CIP2A: variants seen among roughly 807,000 people sequenced by gnomAD.
The protein encoded by CIP2A is cellular inhibitor of PP2A.
A neutral mutation model predicts 110.9 loss-of-function variants in CIP2A; 103 were observed. The ratio of observed to expected loss-of-function variants is 0.93; its 90% CI spans 0.79 to 1.09. CIP2A has a LOEUF of 1.09. CIP2A is among the 50% of genes least tolerant of loss of function. The pLI is 0.00. For synonymous variants in CIP2A, 381 were observed against 361.6 expected (o/e 1.05, Z -0.61); for missense variants, 1,088 against 1,038.4 (o/e 1.05, Z -0.66).
rs1413551385 is a variant in CIP2A at position 108,551,296 on chromosome 3, C to A, written c.2571G>T (p.Lys857Asn). ...CTTCCAAACGACCTTCTAATTGTGC[C>A]TTTTGAACCTCTAGGGAGGAAGCCT... Reference protein sequence around the residue: ...SIKASSLEVQKAQLEGRLEEK... With the variant: ...SIKASSLEVQNAQLEGRLEEK... The change falls in exon 21 of 21, where the codon AAG becomes AAT. Residue 857 changes from lysine (K) to asparagine (N), a missense_variant. By Grantham distance (94) the Lys-to-Asn change is moderately conservative. Coordinates refer to ENST00000295746, the MANE Select transcript of CIP2A (RefSeq NM_020890.3). 7 of 1,610,888 alleles carry A rather than the reference C, an allele frequency of 4.3e-6. No homozygotes were observed. The highest frequency in any genetic ancestry group is 5.9e-6 in the Non-Finnish European group (7 of 1,178,112).
intron 7 of CIP2A, among the ~76,000 whole-genome samples, chr3:108,578,666 AG>A (rs1460408952): frequency 6.6e-6 from 1 of 152,334 alleles, no homozygotes; most frequent in Admixed American, 6.5e-5. Context: ...ATGACAAAGC[AG>A]CATAGGCCCC....
intron 1 of CIP2A, 57 bp downstream of exon 1, chr3:108,589,217 G>T: frequency 7.4e-7 from 1 of 1,343,680 alleles, no homozygotes; most frequent in Non-Finnish European, 1.1e-6. Context: ...CGGCCTCACT[G>T]TGAAATAAGA....
In CIP2A at chr3:108,565,473, TTTAAA is replaced by T. The variant is rs760159834; in HGVS notation, c.1416-24_1416-20del. The T allele has an allele frequency of 7.2e-7, 1 of 1,383,496 alleles. No individual in the cohort carries two copies. The highest frequency in any genetic ancestry group is 1.3e-5 in the South Asian group (1 of 78,676). The allele number at this position is 1,383,496 out of a possible 1,614,324, so 85.7% of individuals were successfully genotyped here. A position where few individuals can be genotyped will look rare whatever the true frequency, so the allele number is the denominator to read the frequency against. ...AAGTTTGCTTTAAAGATAAATCACA[TTTAAA>T]TTAGATAACTGAAAAATTTCTTAGA... On this transcript the variant is annotated intron_variant, in intron 11 of 20. Transcript: ENST00000295746.
At chr3:108,551,376 T>G in intron 20 of CIP2A, 57 bp from the exon 21 acceptor site, 2 of 1,297,500 alleles carry the variant, frequency 1.5e-6, no homozygotes, top group Non-Finnish European at 2.1e-6. Flanking sequence ...AACTTTAATG[T>G]TTTCTCTATA....
At chr3:108,552,706 C>A in intron 19 of CIP2A, among the ~76,000 whole-genome samples, 1 of 152,134 alleles carries the variant, frequency 6.6e-6, no homozygotes, top group East Asian at 1.9e-4. Flanking sequence ...TTCAAATATA[C>A]CATTAAGAAG....
rs2083883474 is a variant in CIP2A at position 108,550,498 on chromosome 3, C to T, written c.*651G>A. On this transcript the variant is annotated 3_prime_UTR_variant, in exon 21 of 21. Transcript: ENST00000295746. ...ACAAGTTCTTAGATTTTTTATGAGA[C>T]AGCTATTGTGTTAAATGTAATCATT... The T allele has an allele frequency of 6.6e-6, 1 of 151,280 alleles. No homozygotes were observed. The highest frequency in any genetic ancestry group is 2.4e-5 in the African/African-American group (1 of 41,390). 9.4% of individuals were successfully genotyped at this position (151,280 alleles called of 1,614,324 possible).
intron 4 of CIP2A, 151 bp from the exon 5 acceptor site, chr3:108,581,662 A>G: frequency 1.7e-6 from 1 of 591,756 alleles, no homozygotes. Context: ...ATAAGAAGCC[A>G]GGGAAGCTTT....
At position 108,566,627 on chromosome 3, in the gene CIP2A, C is replaced by T. The variant is rs1360004147; in HGVS notation, c.1285G>A (p.Asp429Asn). 1 of 1,596,538 alleles carries T rather than the reference C, an allele frequency of 6.3e-7. No individual in the cohort carries two copies. The change falls in exon 11 of 21, where the codon GAT becomes AAT. Residue 429 changes from aspartate (D) to asparagine (N), a missense_variant. Transcript: ENST00000295746. ...AIEVLLTLCGDDTLKMHIAKI... is the reference protein window; with the variant it reads ...AIEVLLTLCGNDTLKMHIAKI... ...GCAATATGCATTTTTAGTGTATCAT[C>T]TCCACAGAGAGGTTAAGTTTTGTTA... is the stretch of plus-strand genomic sequence containing the variant.
chr3:108,552,441 T>C (rs1348001601), intron 19 of CIP2A, 68 bp from the exon 20 acceptor site: 2 of 963,574 alleles, frequency 2.1e-6, no homozygotes, highest in Non-Finnish European at 2.9e-6. Flanking sequence ...AATGGTCTAG[T>C]AGCTACTGTA....
intron 7 of CIP2A, among the ~76,000 whole-genome samples, chr3:108,577,874 G>C (rs1339469084): frequency 1.3e-5 from 2 of 152,140 alleles, no homozygotes; most frequent in Admixed American, 1.3e-4. Context: ...ACTCCAGCCT[G>C]GGCAATAGAG....
At chr3:108,554,303 T>C in intron 18 of CIP2A, 73 bp downstream of exon 18, 2 of 591,698 alleles carry the variant, frequency 3.4e-6, no homozygotes, top group Admixed American at 3.4e-5. Flanking sequence ...TAAAAAACAA[T>C]GTTCTATATA....
intron 14 of CIP2A, 68 bp downstream of exon 14, chr3:108,560,581 A>G (rs1204247767): frequency 2.3e-6 from 2 of 876,568 alleles, no homozygotes; most frequent in Non-Finnish European, 3.5e-6. Context: ...GTGTTTAGAT[A>G]CACGTTATAA....
At chr3:108,575,429 C>T (rs1169257885) in intron 8 of CIP2A, among the ~76,000 whole-genome samples, 2 of 143,716 alleles carry the variant, frequency 1.4e-5, no homozygotes, top group East Asian at 4.3e-4. Flanking sequence ...TACATGTATA[C>T]ATACACATAC....
chr3:108,577,262 C>T (rs1002692757), intron 7 of CIP2A, among the ~76,000 whole-genome samples: 9 of 152,108 alleles, frequency 5.9e-5, no homozygotes, highest in African/African-American at 1.9e-4. Context: ...ACCTTGAATG[C>T]AATGGTAGGT....
chr3:108,587,344 TAAA>T (rs1034421597), intron 1 of CIP2A, among the ~76,000 whole-genome samples: 1 of 151,802 alleles, frequency 6.6e-6, no homozygotes, highest in African/African-American at 2.4e-5. Flanking sequence ...ACATCAATAA[TAAA>T]AAAAATGAAG....
chr3:108,577,031 A>C (rs1938679640), intron 7 of CIP2A, among the ~76,000 whole-genome samples: 1 of 152,224 alleles, frequency 6.6e-6, no homozygotes, highest in African/African-American at 2.4e-5. Context: ...TCTTAAAAAC[A>C]AAAATAGAAG....
chr3:108,552,802 CTA>C (rs1338603680), intron 19 of CIP2A, among the ~76,000 whole-genome samples: 1 of 152,044 alleles, frequency 6.6e-6, no homozygotes, highest in East Asian at 1.9e-4. Flanking sequence ...ATCCATAATC[CTA>C]TGTGATTTAA....
chr3:108,568,560 C>A (rs10933950), intron 9 of CIP2A, among the ~76,000 whole-genome samples: 4 of 151,668 alleles, frequency 2.6e-5, no homozygotes. Flanking sequence ...TTTAAACAGA[C>A]TTTGTGATTT....
At chr3:108,575,287 C>T (rs1023506238) in intron 8 of CIP2A, among the ~76,000 whole-genome samples, 27 of 130,016 alleles carry the variant, frequency 2.1e-4, no homozygotes, top group Admixed American at 1.2e-3. Context: ...CACACGTGTA[C>T]GTACACACAC....
Sources: allele counts gnomAD v4.1 joint callset (sites outside exome capture counted in the v4.1 genomes callset), GRCh38; gene constraint gnomAD v4.1.1; transcripts MANE v1.5; gene names NCBI Gene and HGNC (gene_info 2026-07-23, HGNC 2026-07-21).